Variants in SVEP1 observed in about 807,000 individuals in gnomAD.
SVEP1 encodes the protein sushi, von Willebrand factor type A, EGF and pentraxin domain-containing protein 1.
A neutral mutation model predicts 367.3 loss-of-function variants in SVEP1; 164 were observed. The ratio of observed to expected loss-of-function variants is 0.45; its 90% confidence interval spans 0.39 to 0.51. The LOEUF (loss-of-function observed/expected upper bound fraction) is 0.51, where lower values mean the gene tolerates loss of function less well. Among genes scored for constraint, SVEP1 ranks in the 20% least tolerant of loss-of-function variants. SVEP1 has a pLI of 0.00. For missense variants in SVEP1, 4,117 were observed against 4,425.3 expected (o/e 0.93, Z 1.98); for synonymous variants, 1,666 against 1,611.6 (o/e 1.03, Z -0.81).
chr9:110,512,198 T>G (rs1479738852), intron 5 of SVEP1, among the ~76,000 whole-genome samples: 3 of 152,094 alleles, frequency 2.0e-5, no homozygotes, highest in African/African-American at 7.2e-5. Context: ...GGGCAGGGAT[T>G]CTGATGGAGG....
At position 110,488,373 on chromosome 9, in the gene SVEP1, C is replaced by G. The variant is rs548078884; in HGVS notation, c.1930+1277G>C. On this transcript the variant is annotated intron_variant, in intron 9 of 47. Transcript: ENST00000374469. ...TTAACAAAATCACTCAGGAAAACTA[C>G]AGAGAGAGATAGAGAAGACCAGGGC... Among the ~76,000 whole-genome samples, 20 of 151,976 alleles carry G rather than the reference C, an allele frequency of 1.3e-4. No homozygotes were observed. In the East Asian group the frequency reaches 3.7e-3, roughly 28 times the overall value.
At chr9:110,440,549 T>C (rs558985514) in intron 27 of SVEP1, among the ~76,000 whole-genome samples, 1 of 152,330 alleles carries the variant, frequency 6.6e-6, no homozygotes, top group Middle Eastern at 3.4e-3. Flanking sequence ...ATAAATACTT[T>C]CCGATACAGT....
chr9:110,502,088 T>A (rs907727817), intron 6 of SVEP1, among the ~76,000 whole-genome samples: 1 of 150,960 alleles, frequency 6.6e-6, no homozygotes, highest in Admixed American at 6.7e-5. Flanking sequence ...CTATATGGTA[T>A]GGAAAGTTCT....
chr9:110,555,968 G>A (rs376891586), intron 1 of SVEP1, among the ~76,000 whole-genome samples: 1 of 152,190 alleles, frequency 6.6e-6, no homozygotes, highest in African/African-American at 2.4e-5. Context: ...CAATGTTCCT[G>A]AAATAGTTTA....
chr9:110,503,000 A>G lies in SVEP1; in HGVS notation c.1483+38T>C, dbSNP rs543500046. On this transcript the variant is annotated intron_variant, in intron 6 of 47. Coordinates refer to ENST00000374469, the MANE Select transcript of SVEP1 (RefSeq NM_153366.4). ...TACTGGAGAAATCAGAGCAGAGGAA[A>G]TGAATCACTCAAGGCATTACACCTT... is the stretch of plus-strand genomic sequence containing the variant. The G allele has an allele frequency of 1.1e-5, 17 of 1,578,408 alleles. No individual in the cohort carries two copies. In the South Asian group the frequency reaches 2.0e-4, roughly 19 times the overall value.
At position 110,465,933 on chromosome 9, in the gene SVEP1, CTCCGGGAACCAAA is replaced by C. The variant is rs1828930041; in HGVS notation, c.3241_3253del (p.Phe1081AlafsTer12). 1.9e-6 allele frequency: 3 copies of C among 1,612,710 alleles called. No individual in the cohort carries two copies. The highest frequency in any genetic ancestry group is 2.5e-6 in the Non-Finnish European group (3 of 1,179,414). On this transcript the variant is annotated frameshift_variant, in exon 18 of 48. Transcript: ENST00000374469. LOFTEE classifies it high-confidence loss of function. ...GGTGTTTTCTGGACACGAGAGGCAG[CTCCGGGAACCAAA>C]TTTTGGCTGATAAGTGCCCAGTGGA...
intron 31 of SVEP1, 31 bp from the exon 32 acceptor site, chr9:110,432,065 G>T (rs570359815): frequency 6.4e-7 from 1 of 1,563,794 alleles, no homozygotes; most frequent in South Asian, 1.2e-5. Flanking sequence ...AAATATTAAA[G>T]TTGATTCCTT....
At chr9:110,545,090 G>A (rs1830201800) in intron 3 of SVEP1, among the ~76,000 whole-genome samples, 1 of 152,102 alleles carries the variant, frequency 6.6e-6, no homozygotes, top group South Asian at 2.1e-4. Flanking sequence ...ACGAATGATA[G>A]GATTTCATTC....
chr9:110,466,170 A>G, intron 17 of SVEP1, 144 bp from the exon 18 acceptor site: 1 of 796,326 alleles, frequency 1.3e-6, no homozygotes. Flanking sequence ...CCTGTTAGCT[A>G]AGCATACGCA....
In SVEP1 at chr9:110,503,224, A is replaced by G. The variant is rs749197254; in HGVS notation, c.1304-7T>C. 1 of 1,603,560 alleles carries G rather than the reference A, an allele frequency of 6.2e-7. No individual in the cohort carries two copies. Among genetic ancestry groups the G allele is most frequent in the Non-Finnish European group, 8.5e-7 (1 of 1,176,412 alleles). On this transcript the variant is annotated splice_polypyrimidine_tract_variant and splice_region_variant and intron_variant, in intron 5 of 47. Transcript: ENST00000374469. Reference sequence around the variant, plus strand: ...AGATGAGGACATGTTCTTACTATGTAAAATGAAAGCAATTAGATCACATTT... The same window carrying G: ...AGATGAGGACATGTTCTTACTATGTGAAATGAAAGCAATTAGATCACATTT...
In SVEP1 at chr9:110,469,056, C is replaced by T; in HGVS notation, c.3044G>A (p.Cys1015Tyr). Residue 1015 changes from cysteine to tyrosine, a missense_variant, in exon 17 of 48, where the codon TGT becomes TAT. This residue lies in a region of SVEP1 where 2,174 missense variants were observed against 2,494.3 expected (regional missense o/e 0.87). Coordinates refer to ENST00000374469, the MANE Select transcript of SVEP1 (RefSeq NM_153366.4). ...ATAGGATCCGATCCGGCAGCTTTCA[C>T]AGGTGAAATGTTCCAGATTATAATA... Reference protein sequence around the residue: ...GTYYNLEHFTCESCRIGSYQD... With the variant: ...GTYYNLEHFTYESCRIGSYQD... 1 of 1,613,818 alleles carries T rather than the reference C, an allele frequency of 6.2e-7. No homozygotes were observed. Among genetic ancestry groups the T allele is most frequent in the Non-Finnish European group, 8.5e-7 (1 of 1,179,802 alleles).
intron 3 of SVEP1, among the ~76,000 whole-genome samples, chr9:110,535,706 A>T (rs1830070613): frequency 1.3e-5 from 2 of 151,914 alleles, no homozygotes; most frequent in Non-Finnish European, 2.9e-5. Flanking sequence ...TGTCATTCTC[A>T]TTGTAGAGAT....
chr9:110,394,626 A>C (rs1356452251), intron 40 of SVEP1, among the ~76,000 whole-genome samples: 1 of 152,202 alleles, frequency 6.6e-6, no homozygotes, highest in Non-Finnish European at 1.5e-5. Flanking sequence ...CGAATGGATA[A>C]CTAGAATAAC....
At chr9:110,561,464 A>C (rs1830426427) in intron 1 of SVEP1, among the ~76,000 whole-genome samples, 1 of 152,226 alleles carries the variant, frequency 6.6e-6, no homozygotes, top group Admixed American at 6.5e-5. Context: ...TTAACTATGA[A>C]GTAAGAGAAT....
At chr9:110,448,623 T>A (rs1386259835) in intron 24 of SVEP1, among the ~76,000 whole-genome samples, 1 of 152,238 alleles carries the variant, frequency 6.6e-6, no homozygotes, top group East Asian at 1.9e-4. Context: ...ATTCACTTTG[T>A]CAACAACCTA....
Position 110,435,356 on chromosome 9 carries a change from T to C in SVEP1, c.4773A>G (p.Ser1591=). ...DYVLSPQQVK[S]LATSCPEELS... ...GTTCCTCTGGGCAGGAGGTAGCCAGTGACTTCACCTGAAAGTTTAATAACA... is the reference window on the plus strand; with the variant it reads ...GTTCCTCTGGGCAGGAGGTAGCCAGCGACTTCACCTGAAAGTTTAATAACA... Residue 1591 remains serine, a synonymous_variant, in exon 29 of 48, where the codon TCA becomes TCG. Transcript: ENST00000374469. 1 of 1,613,108 alleles carries C rather than the reference T, an allele frequency of 6.2e-7. No individual in the cohort carries two copies. Among genetic ancestry groups the C allele is most frequent in the Non-Finnish European group, 8.5e-7 (1 of 1,179,300 alleles).
chr9:110,472,499 CA>C (rs1829036582), intron 14 of SVEP1, among the ~76,000 whole-genome samples, 176 bp from the exon 15 acceptor site: 2 of 152,200 alleles, frequency 1.3e-5, no homozygotes, highest in South Asian at 4.2e-4. Flanking sequence ...TTGATCACTT[CA>C]TATTTAATAC....
chr9:110,503,995 C>A (rs1224025693), intron 5 of SVEP1, among the ~76,000 whole-genome samples: 2 of 151,868 alleles, frequency 1.3e-5, no homozygotes, highest in African/African-American at 2.4e-5. Context: ...TGAGATTGAG[C>A]AGGACTTCTG....
At chr9:110,369,220 C>A (rs1425596210) in intron 47 of SVEP1, among the ~76,000 whole-genome samples, 2 of 152,000 alleles carry the variant, frequency 1.3e-5, no homozygotes, top group Non-Finnish European at 2.9e-5. Context: ...TGATATTTTC[C>A]TGATGTTTAA....
Sources: gnomAD v4.1 joint callset for allele counts (sites outside exome capture counted in the v4.1 genomes callset) on GRCh38, gnomAD v4.1.1 for gene constraint, gnomAD v4.1.1 regional missense constraint, MANE v1.5 for transcripts, NCBI Gene and HGNC (gene_info 2026-07-23, HGNC 2026-07-21) for gene names.